The following ME1 variants were observed in gnomAD, a reference collection of about 807,000 sequenced individuals.
ME1 encodes NADP-dependent malic enzyme.
ME1 carries 74 observed loss-of-function variants against 66.4 expected under a neutral mutation model. That is an observed-to-expected ratio of 1.11 (90% CI 0.92 to 1.35). ME1 has a LOEUF of 1.35. ME1 is among the 40% of genes most tolerant of loss of function. ME1 has a pLI of 0.00. For synonymous variants in ME1, 251 were observed against 235.6 expected (o/e 1.07, Z -0.60); for missense variants, 750 against 694.1 (o/e 1.08, Z -0.90).
intron 7 of ME1, among the ~76,000 whole-genome samples, chr6:83,253,415 T>C (rs1790756105): frequency 6.6e-6 from 1 of 152,144 alleles, no homozygotes; most frequent in South Asian, 2.1e-4. Flanking sequence ...GGAGCTCATT[T>C]TCTAGCTAAT....
At chr6:83,291,728 C>G (rs1448979877) in intron 6 of ME1, among the ~76,000 whole-genome samples, 1 of 152,098 alleles carries the variant, frequency 6.6e-6, no homozygotes, top group African/African-American at 2.4e-5. Flanking sequence ...TAACTTGGTT[C>G]CATTCTCCCT....
At chr6:83,421,790 C>G (rs1008582694) in intron 1 of ME1, among the ~76,000 whole-genome samples, 1 of 152,202 alleles carries the variant, frequency 6.6e-6, no homozygotes, top group African/African-American at 2.4e-5. Flanking sequence ...CTAGTCCCAA[C>G]TCCCAGGTAA....
chr6:83,398,386 A>G lies in ME1; in HGVS notation c.343T>C (p.Leu115=). Residue 115 remains leucine, a synonymous_variant, in exon 3 of 14, where the codon TTG becomes CTG. Coordinates refer to ENST00000369705, the MANE Select transcript of ME1 (RefSeq NM_002395.6). ...ACATACCTTGGCTTCCGAAACACCAAACTATATTGTTGGCAAGCCAGACCC... is the reference window on the plus strand; with the variant it reads ...ACATACCTTGGCTTCCGAAACACCAGACTATATTGTTGGCAAGCCAGACCC... The part of the protein sequence containing the change: ...TVGLACQQYS[L]VFRKPRGLFI... The G allele has an allele frequency of 6.3e-7, 1 of 1,583,452 alleles. No homozygotes were observed. Among genetic ancestry groups the G allele is most frequent in the Non-Finnish European group, 8.6e-7 (1 of 1,169,054 alleles).
At chr6:83,281,086 C>T (rs529432251) in intron 6 of ME1, among the ~76,000 whole-genome samples, 4 of 152,126 alleles carry the variant, frequency 2.6e-5, no homozygotes, top group Non-Finnish European at 5.9e-5. Flanking sequence ...GATCATATAT[C>T]TGGCACATTA....
chr6:83,413,236 T>C (rs892483175), intron 1 of ME1, among the ~76,000 whole-genome samples: 2 of 152,156 alleles, frequency 1.3e-5, no homozygotes, highest in African/African-American at 4.8e-5. Flanking sequence ...AGGCTTGAAC[T>C]CCTGAGCTCA....
In ME1 at chr6:83,210,619, T is replaced by A. The variant is rs555751056; in HGVS notation, c.*1305A>T. The A allele has an allele frequency of 1.5e-4, 23 of 152,404 alleles. No homozygotes were observed. Among genetic ancestry groups the A allele is most frequent in the African/African-American group, 5.5e-4 (23 of 41,588 alleles). The allele number at this position is 152,404 out of a possible 1,614,324, so 9.4% of individuals were successfully genotyped here. On this transcript the variant is annotated 3_prime_UTR_variant, in exon 14 of 14. Transcript: ENST00000369705. ...CCTCTTCTGCTCATACCTAAAACAA[T>A]TTGTGTAACCTTCAACTTTCAATAA...
chr6:83,428,651 A>G (rs1431745353), intron 1 of ME1, among the ~76,000 whole-genome samples: 1 of 152,192 alleles, frequency 6.6e-6, no homozygotes, highest in East Asian at 1.9e-4. Context: ...TGTATGACAG[A>G]TGAAGAAAGT....
At chr6:83,249,239 T>G (rs1160269217) in intron 7 of ME1, among the ~76,000 whole-genome samples, 1 of 151,732 alleles carries the variant, frequency 6.6e-6, no homozygotes, top group Non-Finnish European at 1.5e-5. Context: ...ATATATACTT[T>G]TTTTCTTTTT....
chr6:83,411,924 C>A (rs1770055709), intron 1 of ME1, among the ~76,000 whole-genome samples: 1 of 152,182 alleles, frequency 6.6e-6, no homozygotes, highest in Non-Finnish European at 1.5e-5. Context: ...CGTTGTTTCA[C>A]TGCTAAGGGC....
intron 4 of ME1, among the ~76,000 whole-genome samples, chr6:83,350,888 G>A (rs910455952): frequency 1.4e-5 from 2 of 145,792 alleles, no homozygotes; most frequent in Admixed American, 1.4e-4. Flanking sequence ...TGTTTCTTAG[G>A]GTAGTTTCTA....
At chr6:83,249,880 C>G (rs1308302449) in intron 7 of ME1, among the ~76,000 whole-genome samples, 1 of 152,138 alleles carries the variant, frequency 6.6e-6, no homozygotes, top group Non-Finnish European at 1.5e-5. Context: ...ATCTAACAGT[C>G]TTTTTATCTT....
At chr6:83,395,712 G>A (rs536341691) in intron 3 of ME1, among the ~76,000 whole-genome samples, 1 of 151,818 alleles carries the variant, frequency 6.6e-6, no homozygotes, top group African/African-American at 2.4e-5. Flanking sequence ...TTGACCTCGT[G>A]ATCTGCCCGC....
intron 5 of ME1, among the ~76,000 whole-genome samples, chr6:83,342,433 T>A (rs748506089): frequency 5.8e-4 from 88 of 152,338 alleles, no homozygotes; most frequent in African/African-American, 2.1e-3. Flanking sequence ...TAATACATAC[T>A]GCAACTAGTT....
intron 12 of ME1, 57 bp from the exon 13 acceptor site, chr6:83,216,653 G>T: frequency 8.6e-7 from 1 of 1,157,016 alleles, no homozygotes; most frequent in Non-Finnish European, 1.2e-6. Flanking sequence ...CAATGTGGTG[G>T]GTACGCCAAT....
chr6:83,268,711 G>A lies in ME1; in HGVS notation c.705-14973C>T, dbSNP rs758246704. 2.3e-4 allele frequency among the ~76,000 whole-genome samples: 34 copies of A among 148,742 alleles called. No homozygotes were observed. In the Middle Eastern group the frequency reaches 0.01, roughly 46 times the overall value. On this transcript the variant is annotated intron_variant, in intron 6 of 13. Coordinates refer to ENST00000369705, the MANE Select transcript of ME1 (RefSeq NM_002395.6). ...CCCATAAGTATCTGGGACCACAGGCGCGCATCACCATGCCCCGTTATTATT... is the reference window on the plus strand; with the variant it reads ...CCCATAAGTATCTGGGACCACAGGCACGCATCACCATGCCCCGTTATTATT...
intron 3 of ME1, among the ~76,000 whole-genome samples, chr6:83,363,471 A>C (rs1388080410): frequency 6.6e-6 from 1 of 152,214 alleles, no homozygotes; most frequent in African/African-American, 2.4e-5. Context: ...TAGTACTGCC[A>C]TGCCCTGTGA....
At chr6:83,357,183 G>T (rs1167569161) in intron 3 of ME1, among the ~76,000 whole-genome samples, 1 of 152,080 alleles carries the variant, frequency 6.6e-6, no homozygotes, top group Non-Finnish European at 1.5e-5. Flanking sequence ...TTACTATCAG[G>T]TGGCACCATT....
chr6:83,369,568 G>A (rs962624461), intron 3 of ME1, among the ~76,000 whole-genome samples: 1 of 151,882 alleles, frequency 6.6e-6, no homozygotes, highest in Non-Finnish European at 1.5e-5. Context: ...TGAGATTGGA[G>A]TGAGCCATGA....
rs139169626 is a variant in ME1 at position 83,238,261 on chromosome 6, G to A, written c.913-431C>T. Among the ~76,000 whole-genome samples, 23 of 152,268 alleles carry A rather than the reference G, an allele frequency of 1.5e-4. No individual in the cohort carries two copies. The East Asian group carries it at 4.4e-3, about 29-fold the overall frequency. On this transcript the variant is annotated intron_variant, in intron 8 of 13. Coordinates refer to ENST00000369705, the MANE Select transcript of ME1 (RefSeq NM_002395.6). ...GAAACTGATGAAAAATAAAAGATCT[G>A]TGTTTCCAAGCATCTACTTACTCTT...
Sources: allele counts gnomAD v4.1 joint callset (sites outside exome capture counted in the v4.1 genomes callset), GRCh38; gene constraint gnomAD v4.1.1; transcripts MANE v1.5; gene names NCBI Gene and HGNC (gene_info 2026-07-23, HGNC 2026-07-21).